The following DISC1 variants were observed in gnomAD, a reference collection of about 807,000 sequenced individuals.
DISC1 encodes the protein DISC1 scaffold protein.
DISC1 carries 57 observed loss-of-function variants against 84.5 expected under a neutral mutation model. That is an observed-to-expected ratio of 0.67 (90% CI 0.55 to 0.84). The LOEUF (loss-of-function observed/expected upper bound fraction) is 0.84. Among genes scored for constraint, DISC1 ranks in the 40% least tolerant of loss-of-function variants. The pLI, the probability that DISC1 is intolerant of heterozygous loss-of-function variation, is 0.00. For synonymous variants in DISC1, 411 were observed against 415.2 expected, an observed-to-expected ratio of 0.99 and a Z score of 0.12; for missense variants, 1,000 against 1,057.8, an observed-to-expected ratio of 0.95 and a Z score of 0.76.
intron 10 of DISC1, among the ~76,000 whole-genome samples, chr1:231,987,030 G>A (rs1216009128): frequency 1.3e-5 from 2 of 152,126 alleles, no homozygotes; most frequent in Non-Finnish European, 2.9e-5. Context: ...TATTTTCTGG[G>A]ACAGTCGGTC....
intron 9 of DISC1, among the ~76,000 whole-genome samples, chr1:231,848,369 G>A (rs1201692002): frequency 6.6e-6 from 1 of 152,192 alleles, no homozygotes; most frequent in Non-Finnish European, 1.5e-5. Context: ...GTGAATAAAT[G>A]AGCGAATATT....
At chr1:231,862,720 C>T (rs1446192742) in intron 9 of DISC1, among the ~76,000 whole-genome samples, 2 of 152,168 alleles carry the variant, frequency 1.3e-5, no homozygotes, top group Non-Finnish European at 2.9e-5. Context: ...ATCTGGATAT[C>T]TTTGCTGCAC....
chr1:231,647,853 C>T (rs1396414537), intron 1 of DISC1, among the ~76,000 whole-genome samples: 1 of 152,058 alleles, frequency 6.6e-6, no homozygotes, highest in Non-Finnish European at 1.5e-5. Flanking sequence ...TGATTTGGGT[C>T]TCTGTTTGTC....
chr1:231,798,467 A>T (rs547404698), intron 7 of DISC1, among the ~76,000 whole-genome samples: 1 of 152,316 alleles, frequency 6.6e-6, no homozygotes, highest in South Asian at 2.1e-4. Context: ...GATACTGTTC[A>T]CTAAAATCAG....
chr1:231,841,632 T>A (rs201115155), intron 9 of DISC1, among the ~76,000 whole-genome samples: 3 of 152,224 alleles, frequency 2.0e-5, no homozygotes, highest in African/African-American at 7.2e-5. Flanking sequence ...TAAGTTAAAT[T>A]TGGCTTCTTT....
chr1:231,879,927 A>G (rs567523719), intron 9 of DISC1, among the ~76,000 whole-genome samples: 18 of 152,314 alleles, frequency 1.2e-4, no homozygotes, highest in African/African-American at 4.3e-4. Flanking sequence ...TGAAGTCCCA[A>G]TGGACATGCA....
intron 9 of DISC1, chr1:231,818,905 G>A: frequency 9.8e-7 from 1 of 1,021,300 alleles, no homozygotes; most frequent in South Asian, 4.0e-5. Context: ...AGGCTGATCT[G>A]AGAAAATTGA....
chr1:232,013,491 A>G (rs111582847), intron 11 of DISC1, among the ~76,000 whole-genome samples: 2 of 148,808 alleles, frequency 1.3e-5, no homozygotes, highest in African/African-American at 5.0e-5. Flanking sequence ...AAGGGCTAAC[A>G]CTCCTATAAC....
chr1:232,016,180 G>A (rs954155946), intron 11 of DISC1, among the ~76,000 whole-genome samples: 2 of 152,192 alleles, frequency 1.3e-5, no homozygotes, highest in African/African-American at 4.8e-5. Flanking sequence ...CTTAATAGTT[G>A]CACAGTTTAC....
intron 1 of DISC1, among the ~76,000 whole-genome samples, chr1:231,681,730 T>A (rs996136841): frequency 1.3e-5 from 2 of 152,154 alleles, no homozygotes; most frequent in African/African-American, 2.4e-5. Flanking sequence ...AGTTTTACTC[T>A]TGTTGCCCAG....
Position 231,726,205 on chromosome 1 carries a change from A to AT in DISC1, c.1118-23720dup, listed in dbSNP as rs1252740505. Among the ~76,000 whole-genome samples, 3 of 152,352 alleles carry AT rather than the reference A, an allele frequency of 2.0e-5. No homozygotes were observed. The East Asian group carries it at 5.8e-4, about 29-fold the overall frequency. ...ACCAAGTGAGAGATAACATGAAGGC[A>AT]TGAAGAAGATGGAAATCTAAATATC... On this transcript the variant is annotated intron_variant, in intron 3 of 12. Transcript: ENST00000439617.
At chr1:231,771,567 T>A in intron 6 of DISC1, 3 of 985,454 alleles carry the variant, frequency 3.0e-6, no homozygotes, top group Non-Finnish European at 3.6e-6. Context: ...GGCAGTGTTA[T>A]AAGCTGACTC....
At chr1:231,660,024 C>G (rs985752478) in intron 1 of DISC1, among the ~76,000 whole-genome samples, 4 of 152,072 alleles carry the variant, frequency 2.6e-5, no homozygotes, top group African/African-American at 9.7e-5. Context: ...TCCTTACTAT[C>G]TTTATTAATT....
intron 9 of DISC1, among the ~76,000 whole-genome samples, chr1:231,930,274 C>T (rs944169885): frequency 2.0e-5 from 3 of 152,090 alleles, no homozygotes; most frequent in African/African-American, 4.8e-5. Flanking sequence ...GGCTCAGGGA[C>T]GCACACGGAG....
chr1:231,739,659 T>G (rs961936348), intron 3 of DISC1, among the ~76,000 whole-genome samples: 1 of 152,264 alleles, frequency 6.6e-6, no homozygotes, highest in Non-Finnish European at 1.5e-5. Context: ...GGAATGTGAC[T>G]TGTTGATCTT....
intron 9 of DISC1, among the ~76,000 whole-genome samples, chr1:231,831,070 A>G (rs1217529668): frequency 2.0e-5 from 3 of 152,202 alleles, no homozygotes; most frequent in African/African-American, 7.2e-5. Flanking sequence ...CGGACCCTGT[A>G]GGAAAGGCCT....
intron 9 of DISC1, among the ~76,000 whole-genome samples, chr1:231,934,902 T>C (rs1227515465): frequency 6.6e-6 from 1 of 152,156 alleles, no homozygotes; most frequent in African/African-American, 2.4e-5. Context: ...TAGAGAGCGG[T>C]TTGGTGAAAA....
rs1406286150 is a variant in DISC1 at position 231,698,142 on chromosome 1, A to AACAAGGT, written c.1047+3338_1047+3344dup. On this transcript the variant is annotated intron_variant, in intron 2 of 12. Transcript: ENST00000439617. This position sits in a 1 kb window ranked among gnomAD's most constrained non-coding sequence, Gnocchi z 4.9. ...TGTTTTTAAACAGAAACACACATAG[A>AACAAGGT]ACAAGGTCATGTGTTGACCGATGGA... Among the ~76,000 whole-genome samples the AACAAGGT allele has an allele frequency of 6.6e-6, 1 of 152,226 alleles. No homozygotes were observed. The highest frequency in any genetic ancestry group is 2.4e-5 in the African/African-American group (1 of 41,466).
At chr1:231,886,766 CCTTTCTTT>C (rs3084378) in intron 9 of DISC1, among the ~76,000 whole-genome samples, 9,158 of 83,340 alleles carry the variant, frequency 0.11, 431 homozygotes, top group Middle Eastern at 0.13. Context: ...TTCCTTCCTT[CCTTTCTTT>C]CTTTCTTTCT....
Sources: gnomAD v4.1 joint callset for allele counts (sites outside exome capture counted in the v4.1 genomes callset) on GRCh38, gnomAD v4.1.1 for gene constraint, Gnocchi (gnomAD v3.1) non-coding constraint, MANE v1.5 for transcripts, NCBI Gene and HGNC (gene_info 2026-07-23, HGNC 2026-07-21) for gene names.